The following PLSCR2 variants were observed in gnomAD, a reference collection of about 807,000 sequenced individuals.
The protein encoded by PLSCR2 is phospholipid scramblase 2, also known as PL scramblase 2.
PLSCR2 carries 18 observed loss-of-function variants against 25.3 expected under a neutral mutation model. The observed-to-expected ratio is 0.71, with a 90% confidence interval of 0.49 to 1.06. The LOEUF (loss-of-function observed/expected upper bound fraction) is 1.06, where lower values mean the gene tolerates loss of function less well. PLSCR2 is among the 50% of genes least tolerant of loss of function. The pLI is 0.00. For synonymous variants in PLSCR2, 88 were observed against 87.3 expected (o/e 1.01, Z -0.04); for missense variants, 243 against 269.5 (o/e 0.90, Z 0.69).
chr3:146,447,489 T>C (rs1254502449), intron 6 of PLSCR2, among the ~76,000 whole-genome samples: 1 of 152,106 alleles, frequency 6.6e-6, no homozygotes, highest in Non-Finnish European at 1.5e-5. Flanking sequence ...TTAGAAACAT[T>C]GTCTGGGTGC....
At chr3:146,395,271 G>A (rs1243447563) in intron 3 of PLSCR2, among the ~76,000 whole-genome samples, 1 of 152,044 alleles carries the variant, frequency 6.6e-6, no homozygotes, top group East Asian at 1.9e-4. Context: ...AATTTAAAAA[G>A]AAGCAAAACT....
intron 8 of PLSCR2, among the ~76,000 whole-genome samples, chr3:146,435,122 T>C (rs184817281): frequency 7.6e-4 from 115 of 152,196 alleles, no homozygotes; most frequent in Non-Finnish European, 8.8e-5. Flanking sequence ...TATGGCTGCA[T>C]AGTATTCCAT....
At chr3:146,450,338 G>C (rs1239530841) in intron 5 of PLSCR2, among the ~76,000 whole-genome samples, 1 of 152,188 alleles carries the variant, frequency 6.6e-6, no homozygotes, top group African/African-American at 2.4e-5. Context: ...TAGGGAAACT[G>C]AAAACATTTG....
chr3:146,418,254 C>T (rs2039046271), intron 2 of PLSCR2, among the ~76,000 whole-genome samples: 1 of 152,146 alleles, frequency 6.6e-6, no homozygotes, highest in Non-Finnish European at 1.5e-5. Context: ...AGCTATCTCA[C>T]ATGCAAAGTA....
chr3:146,436,188 G>A (rs1345667731), intron 8 of PLSCR2, among the ~76,000 whole-genome samples: 2 of 152,170 alleles, frequency 1.3e-5, no homozygotes, highest in Admixed American at 1.3e-4. Flanking sequence ...TTGTAGTATA[G>A]TTTCAAGTCA....
At chr3:146,425,451 A>G (rs2039310700) in intron 2 of PLSCR2, among the ~76,000 whole-genome samples, 1 of 152,184 alleles carries the variant, frequency 6.6e-6, no homozygotes, top group South Asian at 2.1e-4. Flanking sequence ...AGAGTTTGGT[A>G]CTATCTACTA....
Position 146,459,676 on chromosome 3 carries a change from G to A in PLSCR2, c.57+172C>T, listed in dbSNP as rs1412609931. Among the ~76,000 whole-genome samples, 3 of 152,026 alleles carry A rather than the reference G, an allele frequency of 2.0e-5. No homozygotes were observed. In the East Asian group the frequency reaches 5.8e-4, roughly 29 times the overall value. On this transcript the variant is annotated intron_variant, in intron 2 of 6. Transcript: ENST00000610787. ...TCATATTTTGATTTAACAATGAATCGAACCCAAAAGAACTAGTGATTTGTT... is the reference window on the plus strand; with the variant it reads ...TCATATTTTGATTTAACAATGAATCAAACCCAAAAGAACTAGTGATTTGTT...
chr3:146,474,973 G>A (rs150983034), intron 1 of PLSCR2, among the ~76,000 whole-genome samples: 2 of 151,864 alleles, frequency 1.3e-5, no homozygotes, highest in African/African-American at 4.8e-5. Flanking sequence ...CTTGTGCTGT[G>A]TTTTTCAGCT....
At chr3:146,423,664 A>G (rs2039238201) in intron 2 of PLSCR2, among the ~76,000 whole-genome samples, 1 of 152,064 alleles carries the variant, frequency 6.6e-6, no homozygotes, top group South Asian at 2.1e-4. Flanking sequence ...AAATAGGTAG[A>G]TTATCCTGCA....
chr3:146,426,825 T>A (rs985808731), intron 2 of PLSCR2, among the ~76,000 whole-genome samples: 2 of 152,212 alleles, frequency 1.3e-5, no homozygotes, highest in African/African-American at 4.8e-5. Context: ...TCTAGTATTC[T>A]GCACTAAATT....
intron 2 of PLSCR2, among the ~76,000 whole-genome samples, chr3:146,404,788 C>T: frequency 7.5e-6 from 1 of 133,842 alleles, no homozygotes; most frequent in African/African-American, 2.8e-5. Flanking sequence ...AAACATTTCC[C>T]TTTCAAAAGG....
At chr3:146,441,959 A>G (rs1388347444) in intron 6 of PLSCR2, 138 bp from the exon 7 acceptor site, 5 of 564,408 alleles carry the variant, frequency 8.9e-6, no homozygotes, top group Non-Finnish European at 1.6e-5. Flanking sequence ...TAATGTGAGA[A>G]AAGTCTACAG....
At chr3:146,395,778 A>C (rs192623765) in exon 3 of PLSCR2, 1 of 126,414 alleles carries the variant, frequency 7.9e-6, no homozygotes, top group East Asian at 2.7e-4. Context: ...AAGTTGCTCC[A>C]AGCATCAATG....
intron 3 of PLSCR2, among the ~76,000 whole-genome samples, chr3:146,392,071 T>A (rs2038100072): frequency 6.6e-6 from 1 of 152,096 alleles, no homozygotes; most frequent in African/African-American, 2.4e-5. Flanking sequence ...TTTTAGTTTG[T>A]TTTAATATCT....
intron 3 of PLSCR2, among the ~76,000 whole-genome samples, chr3:146,394,409 A>C (rs953743731): frequency 6.6e-6 from 1 of 152,018 alleles, no homozygotes; most frequent in Non-Finnish European, 1.5e-5. Context: ...CTCAGATTAC[A>C]GGCATGTGTC....
rs559187478 is a variant in PLSCR2 at position 146,485,826 on chromosome 3, C to T, written c.-293+10069G>A. Among the ~76,000 whole-genome samples the T allele has an allele frequency of 7.9e-5, 12 of 152,108 alleles. No individual in the cohort carries two copies. The South Asian group carries it at 1.5e-3, about 18-fold the overall frequency. The stretch of plus-strand genomic sequence containing the variant: ...GGCTGGGGAAGCCTCACAATCATGG[C>T]GGAAGGCAAGGAGGAGCAAGTCACG... On this transcript the variant is annotated intron_variant, in intron 1 of 8. Transcript: ENST00000336685.
At chr3:146,474,649 C>T (rs1461961620) in intron 1 of PLSCR2, among the ~76,000 whole-genome samples, 1 of 151,910 alleles carries the variant, frequency 6.6e-6, no homozygotes, top group African/African-American at 2.4e-5. Flanking sequence ...TAATGGTGTT[C>T]TCTGTATTTC....
intron 2 of PLSCR2, among the ~76,000 whole-genome samples, chr3:146,409,260 G>T (rs2038763126): frequency 6.6e-6 from 1 of 152,116 alleles, no homozygotes; most frequent in Admixed American, 6.5e-5. Context: ...GGCAATGGGT[G>T]GCGAGCCCAC....
At chr3:146,493,732 G>A (rs2043637319) in intron 1 of PLSCR2, among the ~76,000 whole-genome samples, 2 of 145,674 alleles carry the variant, frequency 1.4e-5, no homozygotes, top group African/African-American at 5.0e-5. Context: ...CATTTCGGGA[G>A]TCCAACAAAT....
Sources: gnomAD v4.1 joint callset for allele counts (sites outside exome capture counted in the v4.1 genomes callset) on GRCh38, gnomAD v4.1.1 for gene constraint, MANE v1.5 for transcripts, NCBI Gene and HGNC (gene_info 2026-07-23, HGNC 2026-07-21) for gene names.